The following MYH3 variants were observed in gnomAD, a reference collection of about 807,000 sequenced individuals.
MYH3 encodes the protein myosin-3.
MYH3 carries 130 observed loss-of-function variants against 238.0 expected under a neutral mutation model. The ratio of observed to expected loss-of-function variants is 0.55; its 90% CI spans 0.47 to 0.63. MYH3 has a LOEUF of 0.63. Ranked by LOEUF, MYH3 falls within the 30% of genes least tolerant of loss-of-function variation. The probability of loss-of-function intolerance (pLI) is 0.00; values close to 1 mark genes in which losing one functional copy is unlikely to be tolerated. For missense variants in MYH3, 1,853 were observed against 2,374.9 expected (o/e 0.78, Z 4.57); for synonymous variants, 880 against 924.1 (o/e 0.95, Z 0.86).
Position 10,635,742 on chromosome 17 carries a change from T to C in MYH3, c.3968A>G (p.Glu1323Gly). 1 of 1,614,020 alleles carries C rather than the reference T, an allele frequency of 6.2e-7. No individual in the cohort carries two copies. The highest frequency in any genetic ancestry group is 8.5e-7 in the Non-Finnish European group (1 of 1,179,840). The change falls in exon 29 of 41, where the codon GAG becomes GGG. Residue 1323 changes from glutamate to glycine, a missense_variant. Around this residue, in one of 3 missense-constraint regions of MYH3, gnomAD observed 1,044 missense variants for 1,192.6 expected, o/e 0.88. Coordinates refer to ENST00000583535, the MANE Select transcript of MYH3 (RefSeq NM_002470.4). Reference protein sequence around the residue: ...TEELKRQLEEENKAKNALAHA... With the variant: ...TEELKRQLEEGNKAKNALAHA... ...CTTCCTTCAATGGTGTACCTTGTTC[T>C]CTTCCTCCAGCTGCCTCTTGAGCTC... is the stretch of plus-strand genomic sequence containing the variant.
rs563363482 is a variant in MYH3, at chr17:10,649,283, A to G, written c.642+294T>C. Among the ~76,000 whole-genome samples the G allele has an allele frequency of 3.3e-5, 5 of 152,348 alleles. No individual in the cohort carries two copies. In the South Asian group the frequency reaches 1.0e-3, roughly 32 times the overall value. ...CCAGGATATGCTGTGAGTCACTCAC[A>G]TTGGTATATGTGATTCTTCCACAAA... On this transcript the variant is annotated intron_variant, in intron 7 of 40. Coordinates refer to ENST00000583535, the MANE Select transcript of MYH3 (RefSeq NM_002470.4).
chr17:10,650,555 C>T (rs1363358542), intron 5 of MYH3, among the ~76,000 whole-genome samples, 154 bp from the exon 6 acceptor site: 1 of 152,090 alleles, frequency 6.6e-6, no homozygotes, highest in Non-Finnish European at 1.5e-5. Context: ...GAGCCTCCAT[C>T]TGCTTTTTAT....
Position 10,652,544 on chromosome 17 carries a change from T to C in MYH3, c.224A>G (p.Glu75Gly). 2 of 1,588,958 alleles carry C rather than the reference T, an allele frequency of 1.3e-6. No individual in the cohort carries two copies. The highest frequency in any genetic ancestry group is 1.4e-5 in the African/African-American group (1 of 73,626). ...EDNRTLVVKPEDVYAMNPPKF... is the reference protein window; with the variant it reads ...EDNRTLVVKPGDVYAMNPPKF... ...GGGGGGGTTCATGGCGTACACATCC[T>C]CTGGTTTGACCACCAGGGTCTAAAA... The change falls in exon 4 of 41, where the codon GAG (glutamate) becomes GGG (glycine). Residue 75 changes from glutamate (E) to glycine (G), a missense_variant. By Grantham distance (98) the Glu-to-Gly change is moderately conservative (BLOSUM62 -2). This residue lies in a region of MYH3 where 131 missense variants were observed against 123.5 expected (regional missense o/e 1.06). Coordinates refer to ENST00000583535, the MANE Select transcript of MYH3 (RefSeq NM_002470.4).
Position 10,652,535 on chromosome 17 carries a change from TAC to T in MYH3, c.231_232del (p.Tyr78ArgfsTer21). The T allele has an allele frequency of 1.2e-6, 2 of 1,606,372 alleles. No homozygotes were observed. The highest frequency in any genetic ancestry group is 1.7e-6 in the Non-Finnish European group (2 of 1,176,126). On this transcript the variant is annotated frameshift_variant, in exon 4 of 41. Coordinates refer to ENST00000583535, the MANE Select transcript of MYH3 (RefSeq NM_002470.4). LOFTEE classifies it high-confidence loss of function. ...GTCGAACTTGGGGGGGTTCATGGCG[TAC>T]ACATCCTCTGGTTTGACCACCAGGG...
chr17:10,671,366 G>C, the MYH3 span, among the ~76,000 whole-genome samples: 439 of 152,222 alleles, frequency 2.9e-3, no homozygotes, highest in African/African-American at 9.8e-3. Context: ...TCAACAAATT[G>C]CTACCCAGAA....
rs1207511066 is a variant in MYH3, at chr17:10,642,389, TCACATGGA to T, written c.1888+20_1888+27del. On this transcript the variant is annotated intron_variant, in intron 16 of 40. Coordinates refer to ENST00000583535, the MANE Select transcript of MYH3 (RefSeq NM_002470.4). The surrounding 1 kb of genome is among the most constrained non-coding windows in gnomAD (Gnocchi z 5.4). ...TTACTGTGGAACAAATGGAGGGAAA[TCACATGGA>T]CACAAAGCACTCCTCTTACCATCCG... The T allele has an allele frequency of 6.8e-6, 11 of 1,613,834 alleles. No individual in the cohort carries two copies. In the Admixed American group the frequency reaches 1.8e-4, roughly 27 times the overall value.
rs899460390 is a variant in MYH3 at position 10,640,683 on chromosome 17, G to T, written c.2169C>A (p.Tyr723Ter). The T allele has an allele frequency of 6.2e-7, 1 of 1,614,050 alleles. No homozygotes were observed. The highest frequency in any genetic ancestry group is 8.5e-7 in the Non-Finnish European group (1 of 1,179,988). ...RILYGDFKQRYRVLNASAIPE... is the reference protein window; with the variant it reads ...RILYGDFKQR ...GGATTGCACTGGCATTCAGCACTCG[G>T]TATCTGCATTGTAGACATGGAAATC... Residue 723 changes from tyrosine to a stop codon, truncating the protein, a stop_gained, in exon 20 of 41, where the codon TAC becomes TAA. Coordinates refer to ENST00000583535, the MANE Select transcript of MYH3 (RefSeq NM_002470.4). LOFTEE classifies it high-confidence loss of function.
At chr17:10,640,719 G>A (rs569488988) in intron 19 of MYH3, 33 bp from the exon 20 acceptor site, 2 of 1,610,964 alleles carry the variant, frequency 1.2e-6, no homozygotes, top group African/African-American at 1.3e-5. Context: ...ATCACAGACT[G>A]TTGGCAAAGA....
At chr17:10,652,644 C>T (rs946658248) in intron 3 of MYH3, 81 bp from the exon 4 acceptor site, 28 of 1,334,534 alleles carry the variant, frequency 2.1e-5, no homozygotes, top group Middle Eastern at 2.8e-4. Flanking sequence ...TTTTTTGAGA[C>T]GGAGTCTTGC....
At chr17:10,657,058 C>A (rs1211633962) in intron 1 of MYH3, among the ~76,000 whole-genome samples, 1 of 152,066 alleles carries the variant, frequency 6.6e-6, no homozygotes, top group African/African-American at 2.4e-5. Flanking sequence ...GGAGAGAGAA[C>A]CTGCAGGGCT....
At chr17:10,630,851 C>T (rs1355895963) in intron 36 of MYH3, among the ~76,000 whole-genome samples, 3 of 151,538 alleles carry the variant, frequency 2.0e-5, no homozygotes, top group African/African-American at 4.9e-5. Flanking sequence ...AACTCCATCT[C>T]GGGGGTGGGG....
At chr17:10,640,855 G>A (rs2074264501) in intron 19 of MYH3, among the ~76,000 whole-genome samples, 169 bp from the exon 20 acceptor site, 1 of 152,204 alleles carries the variant, frequency 6.6e-6, no homozygotes, top group South Asian at 2.1e-4. Context: ...TAGATCTCTT[G>A]ACTCTTCAGT....
In MYH3 at chr17:10,638,331, C is replaced by T; in HGVS notation, c.3441G>A (p.Leu1147=). The T allele has an allele frequency of 6.2e-7, 1 of 1,611,456 alleles. No homozygotes were observed. The highest frequency in any genetic ancestry group is 1.1e-5 in the South Asian group (1 of 91,070). Residue 1147 remains leucine, a synonymous_variant, in exon 27 of 41, where the codon CTG becomes CTA. Transcript: ENST00000583535. ...RSDYARELEE[L]SERLEEAGGV... The stretch of plus-strand genomic sequence containing the variant: ...CTCCCGCCTCCTCCAGCCGCTCGCT[C>T]AGCTCCTCCAGCTCCCGGGCATAGT...
At chr17:10,635,284 G>C (rs2074202670) in intron 30 of MYH3, 83 bp downstream of exon 30, 38 of 1,606,512 alleles carry the variant, frequency 2.4e-5, no homozygotes, top group Non-Finnish European at 3.2e-5. Context: ...AGACACATGA[G>C]ATGGGGAAAC....
Position 10,630,312 on chromosome 17 carries a change from C to T in MYH3, c.5433G>A (p.Lys1811=). 1 of 1,614,190 alleles carries T rather than the reference C, an allele frequency of 6.2e-7. No homozygotes were observed. Residue 1811 remains lysine (K), a synonymous_variant, in exon 37 of 41, where the codon AAG becomes AAA. Transcript: ENST00000583535. ...CCCTGGTCTCCAGTTTCTGGATCTG[C>T]TTCTTCCCGCCCTTCAGCGCCAGCT... ...AEQLALKGGK[K]QIQKLETRIR...
Position 10,628,669 on chromosome 17 carries a change from T to A in MYH3, c.5807A>T (p.His1936Leu). ...RDFTSSRMVV[H>L]ESEE Reference sequence around the variant, plus strand: ...AGGGCTGGCTCACTCTTCACTCTCGTGGACCACCATCTAGGAAGAAAGTAG... The same window carrying A: ...AGGGCTGGCTCACTCTTCACTCTCGAGGACCACCATCTAGGAAGAAAGTAG... Residue 1936 changes from histidine (H) to leucine (L), a missense_variant, in exon 41 of 41, where the codon CAC becomes CTC. By Grantham distance (99) the His-to-Leu change is moderately conservative. Coordinates refer to ENST00000583535, the MANE Select transcript of MYH3 (RefSeq NM_002470.4). The A allele has an allele frequency of 1.9e-6, 3 of 1,614,226 alleles. No homozygotes were observed. Among genetic ancestry groups the A allele is most frequent in the Non-Finnish European group, 2.5e-6 (3 of 1,180,038 alleles).
chr17:10,662,732 C>G, the MYH3 span, among the ~76,000 whole-genome samples: 1 of 152,124 alleles, frequency 6.6e-6, no homozygotes, highest in African/African-American at 2.4e-5. Context: ...GAGTATGTCT[C>G]TTTAGTTTCT....
chr17:10,640,266 T>C lies in MYH3; in HGVS notation c.2427-15A>G, dbSNP rs2074257728. The stretch of plus-strand genomic sequence containing the variant: ...AGATGGACTCCCTAAAAACAAGACA[T>C]TGCTTATTTCTGAGAGAGACTCCCC... On this transcript the variant is annotated splice_polypyrimidine_tract_variant and intron_variant, in intron 21 of 40. Coordinates refer to ENST00000583535, the MANE Select transcript of MYH3 (RefSeq NM_002470.4). 6.2e-7 allele frequency: 1 copy of C among 1,614,166 alleles called. No individual in the cohort carries two copies. Among genetic ancestry groups the C allele is most frequent in the South Asian group, 1.1e-5 (1 of 91,084 alleles).
chr17:10,629,949 A>G lies in MYH3; in HGVS notation c.5563-12T>C. 1.2e-6 allele frequency: 2 copies of G among 1,613,920 alleles called. No homozygotes were observed. Among genetic ancestry groups the G allele is most frequent in the African/African-American group, 1.3e-5 (1 of 75,038 alleles). On this transcript the variant is annotated splice_polypyrimidine_tract_variant and intron_variant, in intron 38 of 40. Transcript: ENST00000583535. Reference sequence around the variant, plus strand: ...CTGTCCTCTTCACTCTAAGAATGAGAAAGTGGGAATGTCACTGGAGAGGAG... The same window carrying G: ...CTGTCCTCTTCACTCTAAGAATGAGGAAGTGGGAATGTCACTGGAGAGGAG...
Sources: allele counts gnomAD v4.1 joint callset (sites outside exome capture counted in the v4.1 genomes callset), GRCh38; gene constraint gnomAD v4.1.1; regional missense constraint gnomAD v4.1.1; non-coding constraint Gnocchi (gnomAD v3.1); transcripts MANE v1.5; gene names NCBI Gene and HGNC (gene_info 2026-07-23, HGNC 2026-07-21).